Variants in EVA1A observed in about 807,000 individuals in gnomAD.
EVA1A encodes protein eva-1 homolog A.
Under a neutral mutation model 9.8 loss-of-function variants are expected in EVA1A, and 7 were observed. The observed-to-expected ratio is 0.71, with a 90% CI of 0.41 to 1.34. The LOEUF is 1.34. EVA1A is among the 40% of genes most tolerant of loss of function. The pLI, the probability that EVA1A is intolerant of heterozygous loss-of-function variation, is 0.01. For synonymous variants in EVA1A, 90 were observed against 85.6 expected, an observed-to-expected ratio of 1.05 and a Z score of -0.28; for missense variants, 206 against 205.9, an observed-to-expected ratio of 1.00 and a Z score of 0.00.
chr2:75,560,534 T>A (rs1676886713), intron 1 of EVA1A, 146 bp downstream of exon 1: 1 of 152,180 alleles, frequency 6.6e-6, no homozygotes, highest in South Asian at 2.1e-4. Flanking sequence ...CTACAACACC[T>A]GGGCAGGGAC....
intron 3 of EVA1A, among the ~76,000 whole-genome samples, chr2:75,512,253 A>G (rs1383145864): frequency 6.6e-6 from 1 of 152,202 alleles, no homozygotes; most frequent in Non-Finnish European, 1.5e-5. Flanking sequence ...CTTCATTATA[A>G]ACTATCATAT....
chr2:75,508,504 C>T (rs939942276), intron 3 of EVA1A, among the ~76,000 whole-genome samples: 10 of 152,012 alleles, frequency 6.6e-5, no homozygotes, highest in South Asian at 2.1e-4. Flanking sequence ...TTGGTCAGAC[C>T]GGTTGCTCTC....
rs573071548 is a variant in EVA1A, at chr2:75,508,276, G to A, written c.85+9780C>T. ...GAGATAACCTGAAACTCTGACTGCC[G>A]GTGAGCCGGGCAGAACAGAGCCATA... is the stretch of plus-strand genomic sequence containing the variant. On this transcript the variant is annotated intron_variant, in intron 3 of 3. Coordinates refer to ENST00000393913, the MANE Select transcript of EVA1A (RefSeq NM_001135032.2). Among the ~76,000 whole-genome samples the A allele has an allele frequency of 1.1e-4, 17 of 152,278 alleles. 2 individuals are homozygous for A. Among genetic ancestry groups the A allele is most frequent in the East Asian group, 7.7e-4 (4 of 5,180 alleles).
intron 1 of EVA1A, among the ~76,000 whole-genome samples, chr2:75,559,028 T>G (rs1243395893): frequency 6.6e-6 from 1 of 152,158 alleles, no homozygotes; most frequent in Non-Finnish European, 1.5e-5. Flanking sequence ...ACTGGTATAA[T>G]CAGCCAAACT....
At chr2:75,553,919 A>G (rs982951285) in intron 1 of EVA1A, among the ~76,000 whole-genome samples, 2 of 152,202 alleles carry the variant, frequency 1.3e-5, no homozygotes, top group African/African-American at 4.8e-5. Context: ...CAGTGCAGCA[A>G]AGAAGGATGC....
intron 1 of EVA1A, among the ~76,000 whole-genome samples, chr2:75,530,231 C>A (rs142204175): frequency 2.8e-3 from 428 of 151,636 alleles, no homozygotes; most frequent in African/African-American, 9.8e-3. Context: ...AGATCAATAA[C>A]AAGTAGCAAG....
intron 1 of EVA1A, among the ~76,000 whole-genome samples, chr2:75,555,336 T>TCTCTCCCC (rs766586263): frequency 2.9e-5 from 3 of 102,834 alleles, no homozygotes; most frequent in South Asian, 3.7e-4. Context: ...TCTCTCTCTC[T>TCTCTCCCC]CCCCCATCTC....
intron 1 of EVA1A, among the ~76,000 whole-genome samples, chr2:75,552,120 A>C (rs1206651688): frequency 6.6e-6 from 1 of 152,114 alleles, no homozygotes; most frequent in Non-Finnish European, 1.5e-5. Context: ...GTTCAAGTTC[A>C]AGACTGCAGT....
intron 3 of EVA1A, among the ~76,000 whole-genome samples, chr2:75,508,572 G>A (rs1572952951): frequency 6.6e-6 from 1 of 152,240 alleles, no homozygotes; most frequent in East Asian, 1.9e-4. Flanking sequence ...AACTTCATTA[G>A]CAATTTTAAT....
At chr2:75,531,586 A>C (rs189085932) in intron 1 of EVA1A, among the ~76,000 whole-genome samples, 1,628 of 152,124 alleles carry the variant, frequency 0.011, 31 homozygotes, top group African/African-American at 0.038. Flanking sequence ...CAGCCATAAA[A>C]AGGAAAGAAA....
At chr2:75,517,684 C>CA (rs1178660642) in intron 3 of EVA1A, 1 of 656,164 alleles carries the variant, frequency 1.5e-6, no homozygotes, top group African/African-American at 1.8e-5. Flanking sequence ...GTCTCACACA[C>CA]AGGCAGCCTG....
chr2:75,525,800 T>C (rs1675413718), intron 1 of EVA1A, among the ~76,000 whole-genome samples: 1 of 152,224 alleles, frequency 6.6e-6, no homozygotes, highest in African/African-American at 2.4e-5. Context: ...TAGTCAAGAC[T>C]TACGTGGTGG....
Position 75,566,658 on chromosome 2 carries a change from A to G in EVA1A, c.-192+2818T>C, listed in dbSNP as rs148957519. Among the ~76,000 whole-genome samples the G allele has an allele frequency of 3.3e-3, 501 of 152,330 alleles. 2 individuals are homozygous for G. Among genetic ancestry groups the G allele is most frequent in the African/African-American group, 0.012 (482 of 41,566 alleles). ...TTCCTCACAGGCCCTAGTCAGAAGA[A>G]TAGAGATTTAAATACTCCTGGATCA... On this transcript the variant is annotated intron_variant, in intron 1 of 3. Coordinates refer to the EVA1A transcript ENST00000233712.
chr2:75,527,055 A>G (rs1675471630), intron 1 of EVA1A, among the ~76,000 whole-genome samples: 1 of 152,226 alleles, frequency 6.6e-6, no homozygotes, highest in Admixed American at 6.5e-5. Flanking sequence ...GACTCCCAAC[A>G]AATGCCTGCT....
intron 1 of EVA1A, among the ~76,000 whole-genome samples, chr2:75,536,852 G>A (rs1572977914): frequency 1.3e-5 from 2 of 152,034 alleles, no homozygotes; most frequent in Admixed American, 6.6e-5. Flanking sequence ...GGCCTAGATG[G>A]TTTCACTAGA....
intron 2 of EVA1A, 21 bp downstream of exon 2, chr2:75,522,344 T>C (rs1475388856): frequency 1.3e-5 from 2 of 152,134 alleles, no homozygotes; most frequent in East Asian, 1.9e-4. Flanking sequence ...GGGGTAATAA[T>C]CTCATTATCC....
chr2:75,545,834 G>A (rs1056774103), intron 1 of EVA1A, among the ~76,000 whole-genome samples: 3 of 152,118 alleles, frequency 2.0e-5, no homozygotes, highest in Non-Finnish European at 4.4e-5. Flanking sequence ...AGCCCAAGGA[G>A]CTATAAGGAT....
At chr2:75,556,360 G>T (rs1418426017) in intron 1 of EVA1A, among the ~76,000 whole-genome samples, 1 of 152,164 alleles carries the variant, frequency 6.6e-6, no homozygotes, top group Admixed American at 6.5e-5. Flanking sequence ...CACTTAAGAG[G>T]TGCTACCCAA....
intron 1 of EVA1A, among the ~76,000 whole-genome samples, chr2:75,531,735 A>C (rs1426757677): frequency 6.6e-6 from 1 of 152,184 alleles, no homozygotes. Flanking sequence ...CATAAGAATA[A>C]TACAGTGCAG....
Sources: allele counts gnomAD v4.1 joint callset (sites outside exome capture counted in the v4.1 genomes callset), GRCh38; gene constraint gnomAD v4.1.1; transcripts MANE v1.5; gene names NCBI Gene and HGNC (gene_info 2026-07-23, HGNC 2026-07-21).